The following PKD1 variants were observed in gnomAD, a reference collection of about 807,000 sequenced individuals.
The protein encoded by PKD1 is polycystin-1.
In PKD1, 81 loss-of-function variants were observed where a neutral mutation model predicts 361.7. The ratio of observed to expected loss-of-function variants is 0.22; its 90% confidence interval spans 0.19 to 0.27. The LOEUF (loss-of-function observed/expected upper bound fraction) is 0.27, where lower values mean the gene tolerates loss of function less well. PKD1 is among the 10% of genes least tolerant of loss of function. The pLI is 1.00. For synonymous variants in PKD1, 3,615 were observed against 2,818.3 expected (o/e 1.28, Z -8.95); for missense variants, 6,399 against 6,118.3 (o/e 1.05, Z -1.53).
rs537012440 is a variant in PKD1, at chr16:2,105,346, G to T, written c.7992C>A (p.Ile2664=). 1.3e-6 allele frequency: 2 copies of T among 1,592,726 alleles called. No homozygotes were observed. The highest frequency in any genetic ancestry group is 1.7e-6 in the Non-Finnish European group (2 of 1,177,094). Residue 2664 remains isoleucine (I), a synonymous_variant, in exon 21 of 46, where the codon ATC becomes ATA. Transcript: ENST00000262304. The part of the protein sequence containing the change: ...RVHTVDDIQQ[I]AAALAQCMGP... ...CCATGCACTGGGCCAGCGCAGCAGC[G>T]ATCTGCTGGATGTCATCCACAGTGT... is the stretch of plus-strand genomic sequence containing the variant.
Position 2,118,944 on chromosome 16 carries a change from C to T in PKD1, c.360-99G>A, listed in dbSNP as rs2432395. 26 of 712,896 alleles carry T rather than the reference C, an allele frequency of 3.6e-5. No homozygotes were observed. The highest frequency in any genetic ancestry group is 1.2e-4 in the South Asian group (7 of 58,936). 44.2% of individuals were successfully genotyped at this position (712,896 alleles called of 1,614,324 possible). ...GGCCCTGGAGCCACCCTGACAGCACCGCCTCCCCTGCCCCAACCAAGCCGG... is the reference window on the plus strand; with the variant it reads ...GGCCCTGGAGCCACCCTGACAGCACTGCCTCCCCTGCCCCAACCAAGCCGG... On this transcript the variant is annotated intron_variant, in intron 3 of 45. Transcript: ENST00000262304. The surrounding 1 kb of genome is among the most constrained non-coding windows in gnomAD (Gnocchi z 6.0).
intron 16 of PKD1, chr16:2,107,362 C>CA (rs1351392843): frequency 2.7e-6 from 1 of 370,826 alleles, no homozygotes; most frequent in East Asian, 6.6e-5. Context: ...AACCTGCTCC[C>CA]ACACCCTCCC....
Position 2,131,589 on chromosome 16 carries a change from C to A in PKD1, c.215+3886G>T, listed in dbSNP as rs533510082. On this transcript the variant is annotated intron_variant, in intron 1 of 45. Coordinates refer to ENST00000262304, the MANE Select transcript of PKD1 (RefSeq NM_001009944.3). ...ATCCCAGCACTTTGGGAGGCCGAGG[C>A]AAGCAGATCACCTAAGGCCAAGAGT... is the stretch of plus-strand genomic sequence containing the variant. Among the ~76,000 whole-genome samples, 7 of 152,098 alleles carry A rather than the reference C, an allele frequency of 4.6e-5. No individual in the cohort carries two copies. The South Asian group carries it at 1.5e-3, about 32-fold the overall frequency.
At chr16:2,107,290 C>T in intron 16 of PKD1, 2 of 405,176 alleles carry the variant, frequency 4.9e-6, no homozygotes, top group Non-Finnish European at 9.4e-6. Context: ...CCACGTAGGC[C>T]TGACTCACAG....
chr16:2,116,852 G>A lies in PKD1; in HGVS notation c.1587C>T (p.Val529=). 6.5e-7 allele frequency: 1 copy of A among 1,529,882 alleles called. No homozygotes were observed. The highest frequency in any genetic ancestry group is 1.2e-5 in the South Asian group (1 of 84,222). The allele number at this position is 1,529,882 out of a possible 1,614,324, so 94.8% of individuals were successfully genotyped here. The change falls in exon 7 of 46, where the codon GTC becomes GTT. Residue 529 remains valine, a synonymous_variant. Coordinates refer to ENST00000262304, the MANE Select transcript of PKD1 (RefSeq NM_001009944.3). ...GCACACCTCCGGGCTGCAGCTCGCA[G>A]ACGTAGCTGTGCGGCGCTGAGCACA... ...TDLCSAPHSY[V]CELQPGGPVQ... is the part of the protein sequence containing the mutation.
Position 2,102,986 on chromosome 16 carries a change from C to T in PKD1, c.8792-16G>A, listed in dbSNP as rs2092158796. ...AGGTAGTGGCCTGGGGCAGAACGCG[C>T]AGGTCACACGCCTGCCGGGAAGCTC... On this transcript the variant is annotated splice_polypyrimidine_tract_variant and intron_variant, in intron 23 of 45. Coordinates refer to ENST00000262304, the MANE Select transcript of PKD1 (RefSeq NM_001009944.3). 3.7e-6 allele frequency: 6 copies of T among 1,600,838 alleles called. No individual in the cohort carries two copies. Among genetic ancestry groups the T allele is most frequent in the Non-Finnish European group, 5.1e-6 (6 of 1,179,546 alleles).
intron 34 of PKD1, chr16:2,095,457 A>C (rs953303460): frequency 3.3e-5 from 5 of 152,248 alleles, no homozygotes; most frequent in African/African-American, 1.2e-4. Context: ...CTATTCCTTT[A>C]TAGCAACACA....
At chr16:2,105,047 G>A (rs1248673610) in intron 21 of PKD1, among the ~76,000 whole-genome samples, 5 of 132,390 alleles carry the variant, frequency 3.8e-5, no homozygotes, top group African/African-American at 1.4e-4. Flanking sequence ...GGGGAGGGGA[G>A]GGGAGAGTGG....
At position 2,114,264 on chromosome 16, in the gene PKD1, G is replaced by A; in HGVS notation, c.2759C>T (p.Ala920Val). ...DVVVENSASR[A>V]NLSLRVTAEE... is the part of the protein sequence containing the mutation. Reference sequence around the variant, plus strand: ...CGCCGTCACCCGCAGGCTGAGGTTGGCCCGGCTGGCGCTGTTTTCCACCAC... The same window carrying A: ...CGCCGTCACCCGCAGGCTGAGGTTGACCCGGCTGGCGCTGTTTTCCACCAC... The change falls in exon 11 of 46, where the codon GCC becomes GTC. Residue 920 changes from alanine to valine, a missense_variant. By Grantham distance (64) the Ala-to-Val change is moderately conservative. Transcript: ENST00000262304. 1 of 1,610,302 alleles carries A rather than the reference G, an allele frequency of 6.2e-7. No homozygotes were observed. Among genetic ancestry groups the A allele is most frequent in the Non-Finnish European group, 8.5e-7 (1 of 1,179,576 alleles).
chr16:2,099,495 A>G, intron 30 of PKD1, 149 bp downstream of exon 30: 1 of 715,604 alleles, frequency 1.4e-6, no homozygotes, highest in Non-Finnish European at 2.5e-6. Context: ...CAGTCTAGCT[A>G]AGGCTGCTCA....
Position 2,111,153 on chromosome 16 carries a change from G to C in PKD1, c.4014C>G (p.Thr1338=). ...WTFGDGSSNT[T]VRGCPTVTHN... ...GTGTCACCGTCGGGCACCCCCGCAC[G>C]GTCGTGTTGGAGGAGCCATCCCCGA... The change falls in exon 15 of 46, where the codon ACC becomes ACG. Residue 1338 remains threonine (T), a synonymous_variant. Coordinates refer to ENST00000262304, the MANE Select transcript of PKD1 (RefSeq NM_001009944.3). The C allele has an allele frequency of 6.2e-7, 1 of 1,611,188 alleles. No homozygotes were observed. The highest frequency in any genetic ancestry group is 8.5e-7 in the Non-Finnish European group (1 of 1,179,752).
At chr16:2,127,585 G>A (rs2092815023) in intron 1 of PKD1, among the ~76,000 whole-genome samples, 3 of 152,068 alleles carry the variant, frequency 2.0e-5, no homozygotes, top group African/African-American at 4.8e-5. Context: ...ACAGTGCATG[G>A]AGGACAGGGG....
At chr16:2,094,258 G>C (rs758165328) in intron 34 of PKD1, 48 bp from the exon 35 acceptor site, 1 of 1,197,868 alleles carries the variant, frequency 8.3e-7, no homozygotes, top group Non-Finnish European at 1.2e-6. Context: ...CCAGGAGGCA[G>C]TTGCAGCCAA....
chr16:2,109,575 G>A lies in PKD1; in HGVS notation c.5592C>T (p.Ile1864=), dbSNP rs746181810. The stretch of plus-strand genomic sequence containing the variant: ...TGACTGCGTTGGAGGCATTGAGCCG[G>A]ATGGAGAAGGTGCCAGCATCCGGGA... ...MVFPDAGTFS[I]RLNASNAVSW... The change falls in exon 15 of 46, where the codon ATC becomes ATT. Residue 1864 remains isoleucine (I), a synonymous_variant. Transcript: ENST00000262304. 1 of 1,611,790 alleles carries A rather than the reference G, an allele frequency of 6.2e-7. No individual in the cohort carries two copies. The highest frequency in any genetic ancestry group is 1.3e-5 in the African/African-American group (1 of 75,040).
In PKD1 at chr16:2,106,234, G is replaced by T. The variant is rs2092331220; in HGVS notation, c.7560C>A (p.Gly2520=). 2 of 1,610,114 alleles carry T rather than the reference G, an allele frequency of 1.2e-6. No individual in the cohort carries two copies. Among genetic ancestry groups the T allele is most frequent in the African/African-American group, 2.7e-5 (2 of 74,840 alleles). Residue 2520 remains glycine (G), a synonymous_variant, in exon 19 of 46, where the codon GGC becomes GGA. Transcript: ENST00000262304. The surrounding 1 kb of genome is among the most constrained non-coding windows in gnomAD (Gnocchi z 6.5). ...YALLLRRCRQ[G]HCEEFCVYKG... ...TGTAGACACAGAACTCCTCGCAGTGGCCCTGGCGACAGCGCCGCAGCAGCA... is the reference window on the plus strand; with the variant it reads ...TGTAGACACAGAACTCCTCGCAGTGTCCCTGGCGACAGCGCCGCAGCAGCA...
chr16:2,097,839 C>T, intron 31 of PKD1, 29 bp downstream of exon 31: 1 of 1,609,078 alleles, frequency 6.2e-7, no homozygotes, highest in Non-Finnish European at 8.5e-7. Flanking sequence ...ACCCCCAGCC[C>T]AGCCCAGGAC....
In PKD1 at chr16:2,107,946, C is replaced by A. The variant is rs761398119; in HGVS notation, c.7002G>T (p.Val2334=). 9.7e-6 allele frequency: 15 copies of A among 1,546,536 alleles called. No homozygotes were observed. The highest frequency in any genetic ancestry group is 1.3e-5 in the Non-Finnish European group (15 of 1,146,816). The change falls in exon 16 of 46, where the codon GTG becomes GTT. Residue 2334 remains valine, a synonymous_variant. Coordinates refer to ENST00000262304, the MANE Select transcript of PKD1 (RefSeq NM_001009944.3). ...ACACGGTCAGGCTGAAGGTGTACTC[C>A]ACGCCAGCCGCCAGCCGCTCCCGTG... ...TIPRERLAAG[V]EYTFSLTVWK... is the part of the protein sequence containing the mutation.
Position 2,103,349 on chromosome 16 carries a change from G to T in PKD1, c.8708C>A (p.Ala2903Asp). ...SANSVVVQPQ[A>D]SVGAVVTLDS... ...CAGGGTGACCACAGCACCGACGGAG[G>T]CCTGGGGCTGGACCACAACGGAGTT... Residue 2903 changes from alanine to aspartate, a missense_variant, in exon 23 of 46, where the codon GCC (alanine) becomes GAC (aspartate). Coordinates refer to ENST00000262304, the MANE Select transcript of PKD1 (RefSeq NM_001009944.3). 6.2e-7 allele frequency: 1 copy of T among 1,605,184 alleles called. No homozygotes were observed. Among genetic ancestry groups the T allele is most frequent in the Admixed American group, 1.7e-5 (1 of 60,006 alleles).
intron 23 of PKD1, 103 bp from the exon 24 acceptor site, chr16:2,103,073 G>A (rs2092164087): frequency 2.9e-6 from 4 of 1,371,734 alleles, no homozygotes; most frequent in Non-Finnish European, 3.0e-6. Context: ...GGGCCTGAAA[G>A]GCCATAGGAG....
Sources: allele counts gnomAD v4.1 joint callset (sites outside exome capture counted in the v4.1 genomes callset), GRCh38; gene constraint gnomAD v4.1.1; non-coding constraint Gnocchi (gnomAD v3.1); transcripts MANE v1.5; gene names NCBI Gene and HGNC (gene_info 2026-07-23, HGNC 2026-07-21).